Variants in RALGPS1 observed in about 807,000 individuals in gnomAD.
RALGPS1 encodes the protein ras-specific guanine nucleotide-releasing factor RalGPS1.
Under a neutral mutation model 78.8 loss-of-function variants are expected in RALGPS1, and 19 were observed. The ratio of observed to expected loss-of-function variants is 0.24; its 90% CI spans 0.17 to 0.35. RALGPS1 has a LOEUF of 0.35. Among genes scored for constraint, RALGPS1 ranks in the 10% least tolerant of loss-of-function variants. The pLI is 1.00. For missense variants in RALGPS1, 454 were observed against 688.3 expected, an observed-to-expected ratio of 0.66 and a Z score of 3.81; for synonymous variants, 228 against 256.3, an observed-to-expected ratio of 0.89 and a Z score of 1.06.
At chr9:127,182,168 C>T (rs1588396502) in intron 11 of RALGPS1, among the ~76,000 whole-genome samples, 1 of 128,092 alleles carries the variant, frequency 7.8e-6, no homozygotes, top group East Asian at 2.1e-4. Context: ...ATGGCAAAAC[C>T]CCATCTGTTT....
intron 1 of RALGPS1, among the ~76,000 whole-genome samples, chr9:126,922,187 C>T (rs998534903): frequency 2.0e-5 from 3 of 152,162 alleles, no homozygotes; most frequent in African/African-American, 2.4e-5. Flanking sequence ...TCCATTATTC[C>T]GTGTAAATGA....
intron 8 of RALGPS1, among the ~76,000 whole-genome samples, chr9:127,144,504 A>G (rs1427631249): frequency 1.3e-5 from 2 of 152,264 alleles, no homozygotes; most frequent in African/African-American, 4.8e-5. Flanking sequence ...TACTCAGGGT[A>G]TATACCCAAA....
intron 8 of RALGPS1, among the ~76,000 whole-genome samples, chr9:127,104,977 C>T (rs1470649156): frequency 1.3e-5 from 2 of 152,152 alleles, no homozygotes; most frequent in South Asian, 2.1e-4. Context: ...TCATTGGATG[C>T]CCTGACTGTT....
At chr9:126,997,361 C>T (rs1415217305) in intron 4 of RALGPS1, among the ~76,000 whole-genome samples, 1 of 152,192 alleles carries the variant, frequency 6.6e-6, no homozygotes, top group Non-Finnish European at 1.5e-5. Context: ...ACAAAAATCA[C>T]AAGCATTCTT....
At chr9:126,946,755 C>T (rs566719419) in intron 1 of RALGPS1, among the ~76,000 whole-genome samples, 70 of 152,128 alleles carry the variant, frequency 4.6e-4, no homozygotes, top group South Asian at 8.3e-4. Flanking sequence ...TTTCTTCACT[C>T]TCCCTTTTAC....
At chr9:127,026,111 C>G (rs1171834001) in intron 4 of RALGPS1, among the ~76,000 whole-genome samples, 3 of 152,080 alleles carry the variant, frequency 2.0e-5, no homozygotes, top group Admixed American at 6.5e-5. Flanking sequence ...ATCACAGGGT[C>G]CCATAATAGG....
At chr9:126,941,740 T>A (rs367895609) in intron 1 of RALGPS1, among the ~76,000 whole-genome samples, 1 of 152,192 alleles carries the variant, frequency 6.6e-6, no homozygotes, top group Non-Finnish European at 1.5e-5. Flanking sequence ...GCCCTGAGTT[T>A]ATGGACATTG....
intron 1 of RALGPS1, among the ~76,000 whole-genome samples, chr9:126,943,752 A>G (rs568199261): frequency 2.8e-4 from 42 of 152,104 alleles, no homozygotes; most frequent in South Asian, 6.2e-4. Flanking sequence ...CCCTTTTCCA[A>G]CCAGACCTTG....
At chr9:127,105,713 A>G (rs993455554) in intron 8 of RALGPS1, among the ~76,000 whole-genome samples, 13 of 152,162 alleles carry the variant, frequency 8.5e-5, no homozygotes, top group Admixed American at 5.9e-4. Context: ...AGAGAAATCC[A>G]TTGTCAGATC....
intron 4 of RALGPS1, among the ~76,000 whole-genome samples, chr9:127,005,434 A>G (rs2043746355): frequency 6.6e-6 from 1 of 152,222 alleles, no homozygotes; most frequent in South Asian, 2.1e-4. Flanking sequence ...TGAAACAAGA[A>G]GGCCCACCTG....
intron 5 of RALGPS1, among the ~76,000 whole-genome samples, chr9:127,036,161 A>G (rs1407379023): frequency 6.6e-6 from 1 of 152,016 alleles, no homozygotes; most frequent in Non-Finnish European, 1.5e-5. Flanking sequence ...GCAAAGTCAC[A>G]TTTTTTTTCA....
At chr9:126,985,704 A>G (rs1460008607) in intron 4 of RALGPS1, among the ~76,000 whole-genome samples, 1 of 152,078 alleles carries the variant, frequency 6.6e-6, no homozygotes, top group Non-Finnish European at 1.5e-5. Context: ...CTTTCCTACT[A>G]CTTACATACC....
intron 3 of RALGPS1, among the ~76,000 whole-genome samples, chr9:126,970,754 TA>T (rs2040030945): frequency 6.6e-6 from 1 of 152,180 alleles, no homozygotes; most frequent in Non-Finnish European, 1.5e-5. Context: ...TATTGCCCTG[TA>T]AAAGCTCAGG....
intron 8 of RALGPS1, among the ~76,000 whole-genome samples, chr9:127,153,220 G>A (rs917953827): frequency 3.9e-5 from 6 of 152,176 alleles, no homozygotes; most frequent in Non-Finnish European, 7.3e-5. Context: ...GAGCTGAGGA[G>A]AGTAGCCAGG....
chr9:127,046,380 A>G (rs781690870), intron 5 of RALGPS1, among the ~76,000 whole-genome samples: 3 of 152,192 alleles, frequency 2.0e-5, no homozygotes, highest in Non-Finnish European at 4.4e-5. Flanking sequence ...AAAATTGTAG[A>G]TAGTGCTTCA....
At chr9:127,182,763 G>A (rs888280554) in intron 11 of RALGPS1, among the ~76,000 whole-genome samples, 8 of 151,930 alleles carry the variant, frequency 5.3e-5, no homozygotes, top group African/African-American at 1.7e-4. Context: ...TCCAGCCTCA[G>A]GTATCCCTTT....
chr9:127,192,699 G>A (rs1482069617), intron 11 of RALGPS1, among the ~76,000 whole-genome samples: 1 of 152,186 alleles, frequency 6.6e-6, no homozygotes, highest in Non-Finnish European at 1.5e-5. Flanking sequence ...CAAGATTTAA[G>A]AGTCATCAGC....
At chr9:127,036,971 A>G (rs1222031038) in intron 5 of RALGPS1, among the ~76,000 whole-genome samples, 4 of 152,236 alleles carry the variant, frequency 2.6e-5, no homozygotes, top group African/African-American at 9.6e-5. Flanking sequence ...GTCTCAGGGA[A>G]TCCCACAGGC....
chr9:127,157,724 G>T (rs2058782182), intron 8 of RALGPS1, among the ~76,000 whole-genome samples: 1 of 151,926 alleles, frequency 6.6e-6, no homozygotes, highest in African/African-American at 2.4e-5. Flanking sequence ...TAGTTTTTCA[G>T]TTGATTATCC....
Sources: gnomAD v4.1 joint callset for allele counts (sites outside exome capture counted in the v4.1 genomes callset) on GRCh38, gnomAD v4.1.1 for gene constraint, MANE v1.5 for transcripts, NCBI Gene and HGNC (gene_info 2026-07-23, HGNC 2026-07-21) for gene names.